Variants in PC observed in about 807,000 individuals in gnomAD.
PC encodes the protein pyruvate carboxylase.
A neutral mutation model predicts 107.8 loss-of-function variants in PC; 46 were observed. That is an observed-to-expected ratio of 0.43 (90% CI 0.34 to 0.55). PC has a LOEUF of 0.55. Among genes scored for constraint, PC ranks in the 20% least tolerant of loss-of-function variants. The probability of loss-of-function intolerance (pLI) is 0.04; values close to 1 mark genes in which losing one functional copy is unlikely to be tolerated. For synonymous variants in PC, 662 were observed against 684.7 expected (o/e 0.97, Z 0.52); for missense variants, 1,241 against 1,643.1 (o/e 0.76, Z 4.23).
In PC at chr11:66,914,321, G is replaced by A. The variant is rs542635532; in HGVS notation, c.-1+38109C>T. Among the ~76,000 whole-genome samples, 4 of 152,188 alleles carry A rather than the reference G, an allele frequency of 2.6e-5. No individual in the cohort carries two copies. In the South Asian group the frequency reaches 8.3e-4, roughly 32 times the overall value. On this transcript the variant is annotated intron_variant, in intron 3 of 22. Coordinates refer to ENST00000393960, the MANE Select transcript of PC (RefSeq NM_001040716.2). ...GAGGTCAGGAGTTCGAGACCAGCCT[G>A]GCCAATATGGTGAAACCCCGTCTCT... is the stretch of plus-strand genomic sequence containing the variant.
At chr11:66,859,969 A>G (rs1946143349) in intron 12 of PC, 2 of 1,601,714 alleles carry the variant, frequency 1.2e-6, no homozygotes, top group Non-Finnish European at 1.7e-6. Flanking sequence ...TCCCAGACCA[A>G]TGGAGGCCCC....
At position 66,870,442 on chromosome 11, in the gene PC, C is replaced by T; in HGVS notation, c.763G>A (p.Gly255Arg). The T allele has an allele frequency of 1.2e-6, 2 of 1,613,506 alleles. No individual in the cohort carries two copies. Among genetic ancestry groups the T allele is most frequent in the Non-Finnish European group, 1.7e-6 (2 of 1,180,002 alleles). ...CGCTCGTACAGGTGCAGGATGTTCC[C>T]ATACTGGTCCCCTGGGGAGGGAGGT... is the stretch of plus-strand genomic sequence containing the variant. ...IEVQILGDQY[G>R]NILHLYERDC... Residue 255 changes from glycine to arginine, a missense_variant, in exon 9 of 23, where the codon GGG becomes AGG. Gly to Arg is a moderately radical substitution (Grantham distance 125). Transcript: ENST00000393960. The surrounding 1 kb of genome is among the most constrained non-coding windows in gnomAD (Gnocchi z 6.1).
At chr11:66,958,064 G>C (rs1177963746) in intron 1 of PC, 1 of 151,318 alleles carries the variant, frequency 6.6e-6, no homozygotes, top group Non-Finnish European at 1.5e-5. Context: ...GGCGCTCGGG[G>C]GCTGCAGCCG....
intron 3 of PC, among the ~76,000 whole-genome samples, chr11:66,873,917 A>G (rs1946878122): frequency 6.7e-6 from 1 of 150,016 alleles, no homozygotes; most frequent in Admixed American, 6.6e-5. Context: ...ATAGGCATGC[A>G]CCACCATGCC....
chr11:66,914,140 G>T (rs1178613541), intron 3 of PC, among the ~76,000 whole-genome samples: 1 of 152,162 alleles, frequency 6.6e-6, no homozygotes, highest in Non-Finnish European at 1.5e-5. Context: ...ATAAAACAGG[G>T]TGGTCTGTTT....
At chr11:66,856,391 G>A (rs1484605922) in intron 12 of PC, among the ~76,000 whole-genome samples, 2 of 151,924 alleles carry the variant, frequency 1.3e-5, no homozygotes, top group African/African-American at 4.8e-5. Flanking sequence ...GGGAGGGAGA[G>A]GCGAGAGGCA....
chr11:66,910,944 G>A (rs185773479), intron 3 of PC, among the ~76,000 whole-genome samples: 2 of 152,276 alleles, frequency 1.3e-5, no homozygotes, highest in African/African-American at 2.4e-5. Context: ...CACTTAAGTC[G>A]CTCTTCAACT....
In PC at chr11:66,859,216, C is replaced by T. The variant is rs1591153262; in HGVS notation, c.1368+4558G>A. ...GCTGACACCCCCTCCCCGACCATGG[C>T]TGCTGGACTCTTGGAGGAGCAGTGG... On this transcript the variant is annotated intron_variant, in intron 12 of 22. Coordinates refer to ENST00000393960, the MANE Select transcript of PC (RefSeq NM_001040716.2). The T allele has an allele frequency of 1.0e-5, 13 of 1,255,346 alleles. No homozygotes were observed. In the East Asian group the frequency reaches 3.5e-4, roughly 34 times the overall value. 77.8% of individuals were successfully genotyped at this position (1,255,346 alleles called of 1,614,324 possible).
At chr11:66,937,833 G>A (rs1014511802) in intron 3 of PC, among the ~76,000 whole-genome samples, 3 of 149,466 alleles carry the variant, frequency 2.0e-5, no homozygotes, top group African/African-American at 7.5e-5. Flanking sequence ...CTGGAGTACA[G>A]TGATGCCATC....
chr11:66,941,155 A>G (rs1949120558), intron 3 of PC, among the ~76,000 whole-genome samples: 1 of 151,872 alleles, frequency 6.6e-6, no homozygotes, highest in African/African-American at 2.4e-5. Context: ...ACAATGAGAT[A>G]TCACCTCATA....
chr11:66,908,664 G>A (rs1373003389), intron 3 of PC, among the ~76,000 whole-genome samples: 3 of 152,224 alleles, frequency 2.0e-5, no homozygotes, highest in South Asian at 2.1e-4. Context: ...TCCCGAACCC[G>A]AGGCTAATTG....
intron 3 of PC, among the ~76,000 whole-genome samples, chr11:66,916,479 C>T (rs1318320846): frequency 1.3e-5 from 2 of 152,220 alleles, no homozygotes; most frequent in African/African-American, 2.4e-5. Context: ...CAGCAAATTA[C>T]TCACCTCAAT....
intron 3 of PC, among the ~76,000 whole-genome samples, chr11:66,935,528 A>G (rs1038428252): frequency 6.6e-6 from 1 of 152,212 alleles, no homozygotes; most frequent in Admixed American, 6.5e-5. Context: ...CCATGAAGTG[A>G]TAACTTCAGA....
chr11:66,922,438 G>A (rs1001462010), intron 3 of PC, among the ~76,000 whole-genome samples: 4 of 151,786 alleles, frequency 2.6e-5, no homozygotes, highest in Admixed American at 1.3e-4. Context: ...GCTGGGCGTG[G>A]TGGTGCGCGC....
At chr11:66,915,430 G>C (rs1048902999) in intron 3 of PC, among the ~76,000 whole-genome samples, 2 of 152,352 alleles carry the variant, frequency 1.3e-5, no homozygotes, top group Middle Eastern at 6.8e-3. Flanking sequence ...CTGATGACAG[G>C]AGATGGCTGA....
chr11:66,916,229 G>A (rs547039376), intron 3 of PC, among the ~76,000 whole-genome samples: 4 of 152,326 alleles, frequency 2.6e-5, no homozygotes, highest in African/African-American at 7.2e-5. Flanking sequence ...TGTCCTGCTC[G>A]TTGCCAAGCA....
Position 66,850,282 on chromosome 11 carries a change from T to TG in PC, c.2655dup (p.Lys886GlnfsTer81). 1 of 1,614,098 alleles carries TG rather than the reference T, an allele frequency of 6.2e-7. No individual in the cohort carries two copies. The highest frequency in any genetic ancestry group is 8.5e-7 in the Non-Finnish European group (1 of 1,180,004). On this transcript the variant is annotated frameshift_variant, in exon 19 of 23. Transcript: ENST00000393960. LOFTEE classifies it high-confidence loss of function. ...TAGGCCTTCTTGACCTCCTTGAACTTGGAGCCAAGCCCCATGCTGTGGGCC... is the reference window on the plus strand; with the variant it reads ...TAGGCCTTCTTGACCTCCTTGAACTTGGGAGCCAAGCCCCATGCTGTGGGCC...
intron 1 of PC, among the ~76,000 whole-genome samples, chr11:66,954,943 CAAAA>C (rs775258070): frequency 2.9e-5 from 4 of 135,808 alleles, no homozygotes; most frequent in African/African-American, 1.1e-4. Flanking sequence ...ACTCCGTCTC[CAAAA>C]AAAAAAAAAC....
chr11:66,853,442 G>A, intron 12 of PC, 59 bp from the exon 13 acceptor site: 1 of 1,601,654 alleles, frequency 6.2e-7, no homozygotes, highest in Non-Finnish European at 8.5e-7. Context: ...GGAAGGCAGA[G>A]GAGAAAAGGC....
Sources: gnomAD v4.1 joint callset for allele counts (sites outside exome capture counted in the v4.1 genomes callset) on GRCh38, gnomAD v4.1.1 for gene constraint, Gnocchi (gnomAD v3.1) non-coding constraint, MANE v1.5 for transcripts, NCBI Gene and HGNC (gene_info 2026-07-23, HGNC 2026-07-21) for gene names.